Variants in PDSS2 observed in about 807,000 individuals in gnomAD.
The protein encoded by PDSS2 is decaprenyl diphosphate synthase subunit 2.
Under a neutral mutation model 44.5 loss-of-function variants are expected in PDSS2, and 31 were observed. The ratio of observed to expected loss-of-function variants is 0.70; its 90% confidence interval spans 0.52 to 0.94. PDSS2 has a LOEUF of 0.94. PDSS2 is among the 40% of genes least tolerant of loss of function. The pLI is 0.00. For synonymous variants in PDSS2, 157 were observed against 180.3 expected (o/e 0.87, Z 1.03); for missense variants, 452 against 482.2 (o/e 0.94, Z 0.59).
rs564635621 is a variant in PDSS2, at chr6:107,382,303, TA to T, written c.297-47972del. On this transcript the variant is annotated intron_variant, in intron 1 of 7. Coordinates refer to ENST00000369037, the MANE Select transcript of PDSS2 (RefSeq NM_020381.4). ...CCACCACCACCACCACCATAATAAT[TA>T]AAGTCTTGAACCCAAGAATTGTTAG... Among the ~76,000 whole-genome samples the T allele has an allele frequency of 4.8e-3, 725 of 152,280 alleles. 6 individuals are homozygous for T. Among genetic ancestry groups the T allele is most frequent in the Non-Finnish European group, 8.3e-3 (566 of 68,008 alleles).
At chr6:107,163,913 T>G (rs1771241095) in intron 7 of PDSS2, among the ~76,000 whole-genome samples, 1 of 152,190 alleles carries the variant, frequency 6.6e-6, no homozygotes, top group South Asian at 2.1e-4. Context: ...GATCTTGTTC[T>G]TTTTTAAATA....
At chr6:107,313,207 A>G (rs752920443) in intron 2 of PDSS2, among the ~76,000 whole-genome samples, 4 of 152,220 alleles carry the variant, frequency 2.6e-5, no homozygotes, top group Non-Finnish European at 4.4e-5. Context: ...AATGAATTGT[A>G]GCATATAAAC....
intron 1 of PDSS2, among the ~76,000 whole-genome samples, chr6:107,418,002 T>A (rs1780717761): frequency 1.3e-5 from 2 of 152,220 alleles, no homozygotes; most frequent in African/African-American, 4.8e-5. Flanking sequence ...TTACCATGAT[T>A]ATATTTAAAT....
intron 1 of PDSS2, among the ~76,000 whole-genome samples, chr6:107,401,530 C>A (rs947065413): frequency 6.6e-6 from 1 of 152,094 alleles, no homozygotes; most frequent in African/African-American, 2.4e-5. Context: ...GCTATGAGAT[C>A]CTCAAAGGAG....
At chr6:107,283,934 G>A (rs1459954364) in intron 2 of PDSS2, among the ~76,000 whole-genome samples, 2 of 149,856 alleles carry the variant, frequency 1.3e-5, no homozygotes, top group Non-Finnish European at 3.0e-5. Context: ...ACTGAGGCAG[G>A]AGAATAGCTT....
At chr6:107,315,086 A>ATG (rs1777160613) in intron 2 of PDSS2, among the ~76,000 whole-genome samples, 1 of 152,206 alleles carries the variant, frequency 6.6e-6, no homozygotes, top group Non-Finnish European at 1.5e-5. Flanking sequence ...CATTATATAT[A>ATG]ATTTTTAAAT....
At chr6:107,197,409 G>A (rs1772601505) in intron 6 of PDSS2, among the ~76,000 whole-genome samples, 1 of 148,302 alleles carries the variant, frequency 6.7e-6, no homozygotes, top group Admixed American at 6.9e-5. Context: ...GTTTGAGGCT[G>A]CAGTGAGCTA....
intron 1 of PDSS2, among the ~76,000 whole-genome samples, chr6:107,343,057 C>CCT (rs1276193738): frequency 1.3e-5 from 2 of 152,100 alleles, no homozygotes; most frequent in Non-Finnish European, 2.9e-5. Flanking sequence ...CTTAAGTGAT[C>CCT]CTCTCGCCTT....
chr6:107,400,460 G>A lies in PDSS2; in HGVS notation c.296+58530C>T, dbSNP rs149589984. On this transcript the variant is annotated intron_variant, in intron 1 of 7. Transcript: ENST00000369037. ...TTCCCTCTTTGTGGGACTGGACTGG[G>A]AGGAGTGTGGCCTGGGGGCCGCAGT... is the stretch of plus-strand genomic sequence containing the variant. Among the ~76,000 whole-genome samples the A allele has an allele frequency of 2.9e-3, 439 of 152,312 alleles. 4 individuals carry two copies. The highest frequency in any genetic ancestry group is 0.01 in the African/African-American group (423 of 41,572).
At chr6:107,315,542 T>G (rs1777172809) in intron 2 of PDSS2, among the ~76,000 whole-genome samples, 1 of 152,154 alleles carries the variant, frequency 6.6e-6, no homozygotes, top group South Asian at 2.1e-4. Flanking sequence ...AATGAACACT[T>G]ATTGAGTGCT....
intron 2 of PDSS2, among the ~76,000 whole-genome samples, chr6:107,290,862 G>A (rs994297248): frequency 1.1e-4 from 17 of 152,098 alleles, no homozygotes; most frequent in African/African-American, 4.1e-4. Flanking sequence ...TGACATACTA[G>A]CTTTTTTCCC....
In PDSS2 at chr6:107,183,297, G is replaced by A. The variant is rs112504838; in HGVS notation, c.1041+10525C>T. Among the ~76,000 whole-genome samples, 821 of 150,824 alleles carry A rather than the reference G, an allele frequency of 5.4e-3. 8 individuals are homozygous for A. The highest frequency in any genetic ancestry group is 5.9e-3 in the Non-Finnish European group (400 of 67,858). On this transcript the variant is annotated intron_variant, in intron 7 of 7. Transcript: ENST00000369037. ...TTTTTCTTTAAATTCTACTATAAAC[G>A]TCTTATCTAATTATATTACAAGTCC...
intron 1 of PDSS2, among the ~76,000 whole-genome samples, chr6:107,450,304 C>T (rs972733161): frequency 2.6e-5 from 4 of 151,982 alleles, no homozygotes; most frequent in Non-Finnish European, 5.9e-5. Context: ...AACAGTATAA[C>T]AAACAGTATA....
At chr6:107,237,897 G>GAAA (rs71551306) in intron 4 of PDSS2, among the ~76,000 whole-genome samples, 3 of 80,686 alleles carry the variant, frequency 3.7e-5, no homozygotes, top group African/African-American at 4.3e-5. Context: ...CTCCGTCTCT[G>GAAA]AAAAAAAAAA....
At chr6:107,187,265 A>T (rs1053598392) in intron 7 of PDSS2, among the ~76,000 whole-genome samples, 1 of 152,132 alleles carries the variant, frequency 6.6e-6, no homozygotes, top group Non-Finnish European at 1.5e-5. Flanking sequence ...AGCACTACAT[A>T]TTCAAGGAGG....
Position 107,408,122 on chromosome 6 carries a change from G to A in PDSS2, c.296+50868C>T, listed in dbSNP as rs538072660. 2.5e-3 allele frequency among the ~76,000 whole-genome samples: 374 copies of A among 151,930 alleles called. 1 individual carries two copies. Among genetic ancestry groups the A allele is most frequent in the African/African-American group, 8.6e-3 (355 of 41,396 alleles). On this transcript the variant is annotated intron_variant, in intron 1 of 7. Transcript: ENST00000369037. ...GGCTCACTGCAACTTCTGTCTCCTG[G>A]GTTCAAATGATTCTCCTGCCTCAGC...
chr6:107,191,351 T>C (rs962257164), intron 7 of PDSS2, among the ~76,000 whole-genome samples: 1 of 152,074 alleles, frequency 6.6e-6, no homozygotes, highest in African/African-American at 2.4e-5. Context: ...GCACGAGGAA[T>C]GGAAGAGAGA....
At chr6:107,236,283 A>G (rs551291320) in intron 4 of PDSS2, among the ~76,000 whole-genome samples, 1 of 152,290 alleles carries the variant, frequency 6.6e-6, no homozygotes, top group South Asian at 2.1e-4. Flanking sequence ...CAGTGAACAT[A>G]TATTTCAGAC....
chr6:107,457,807 A>G (rs1021035865), intron 1 of PDSS2, among the ~76,000 whole-genome samples: 1 of 152,224 alleles, frequency 6.6e-6, no homozygotes, highest in Non-Finnish European at 1.5e-5. Context: ...AACAAAATTG[A>G]AATTAAATGG....
Sources: gnomAD v4.1 joint callset for allele counts (sites outside exome capture counted in the v4.1 genomes callset) on GRCh38, gnomAD v4.1.1 for gene constraint, MANE v1.5 for transcripts, NCBI Gene and HGNC (gene_info 2026-07-23, HGNC 2026-07-21) for gene names.